BAHCC1: variants seen among roughly 807,000 people sequenced by gnomAD.
BAHCC1 encodes the protein BAH and coiled-coil domain-containing protein 1.
In BAHCC1, 43 loss-of-function variants were observed where a neutral mutation model predicts 88.2. The observed-to-expected ratio is 0.49, with a 90% CI of 0.38 to 0.63. BAHCC1 has a LOEUF of 0.63. Ranked by LOEUF, BAHCC1 falls within the 20% of genes least tolerant of loss-of-function variation. The probability of loss-of-function intolerance (pLI) is 0.00; values close to 1 mark genes in which losing one functional copy is unlikely to be tolerated. For missense variants in BAHCC1, 3,023 were observed against 1,654.8 expected (o/e 1.83, Z -14.34); for synonymous variants, 1,510 against 745.5 (o/e 2.03, Z -16.71).
intron 2 of BAHCC1, among the ~76,000 whole-genome samples, chr17:81,412,410 A>T (rs1370596244): frequency 6.6e-6 from 1 of 152,266 alleles, no homozygotes; most frequent in African/African-American, 2.4e-5. Flanking sequence ...AAGAAAATTC[A>T]AAAAGTGTAT....
chr17:81,403,021 T>A (rs1420457136), intron 2 of BAHCC1: 1 of 152,234 alleles, frequency 6.6e-6, no homozygotes, highest in Non-Finnish European at 1.5e-5. Flanking sequence ...ATACAGATGG[T>A]CCGGAGGCAA....
At chr17:81,462,583 AGCCGCGGT>A (rs1417771113) in intron 26 of BAHCC1, 149 bp from the exon 27 acceptor site, 2 of 591,380 alleles carry the variant, frequency 3.4e-6, no homozygotes, top group Non-Finnish European at 6.0e-6. Context: ...CATGGCCTTA[AGCCGCGGT>A]GCTGCGGCTT....
intron 2 of BAHCC1, among the ~76,000 whole-genome samples, chr17:81,403,812 G>A (rs1826965073): frequency 6.6e-6 from 1 of 152,216 alleles, no homozygotes; most frequent in Middle Eastern, 3.2e-3. Flanking sequence ...ACGGGAATCC[G>A]GGAATGTGGG....
At chr17:81,452,973 T>C in intron 14 of BAHCC1, 122 bp downstream of exon 14, 1 of 588,170 alleles carries the variant, frequency 1.7e-6, no homozygotes, top group Non-Finnish European at 3.0e-6. Context: ...ACACCTACTC[T>C]GAAGGCCTGG....
chr17:81,461,010 C>T lies in BAHCC1; in HGVS notation c.6347C>T (p.Pro2116Leu), dbSNP rs782487964. The T allele has an allele frequency of 1.0e-5, 8 of 773,082 alleles. No individual in the cohort carries two copies. Among genetic ancestry groups the T allele is most frequent in the East Asian group, 2.4e-5 (1 of 41,198 alleles). 47.9% of individuals were successfully genotyped at this position (773,082 alleles called of 1,614,324 possible). A position where few individuals can be genotyped will look rare whatever the true frequency, so the allele number is the denominator to read the frequency against. The change falls in exon 26 of 28, where the codon CCG (proline) becomes CTG (leucine). Residue 2116 changes from proline (P) to leucine (L), a missense_variant. Physicochemically the swap from Pro to Leu is moderately conservative, Grantham distance 98 (BLOSUM62 -3). Coordinates refer to ENST00000675386, the MANE Select transcript of BAHCC1 (RefSeq NM_001377448.1). ...GCGGTGGCAGCGGCCAGCAAGGGGCCGGGGGTGCTGCAGAACCTCTTCCAG... is the reference window on the plus strand; with the variant it reads ...GCGGTGGCAGCGGCCAGCAAGGGGCTGGGGGTGCTGCAGAACCTCTTCCAG... ...RKAVAAASKG[P>L]GVLQNLFQLN...
chr17:81,458,740 C>T lies in BAHCC1; in HGVS notation c.5448+15C>T. 1 of 739,966 alleles carries T rather than the reference C, an allele frequency of 1.4e-6. No individual in the cohort carries two copies. The highest frequency in any genetic ancestry group is 2.5e-6 in the Non-Finnish European group (1 of 398,062). 45.8% of individuals were successfully genotyped at this position (739,966 alleles called of 1,614,324 possible). Reference sequence around the variant, plus strand: ...CCGGCAAGCAGGTAGCAGCCCCCCACTCTGGGAGCCCACTGTGCACCCACC... The same window carrying T: ...CCGGCAAGCAGGTAGCAGCCCCCCATTCTGGGAGCCCACTGTGCACCCACC... On this transcript the variant is annotated intron_variant, in intron 19 of 27. Transcript: ENST00000675386.
At chr17:81,439,329 A>C (rs1598483446) in intron 4 of BAHCC1, among the ~76,000 whole-genome samples, 2 of 152,156 alleles carry the variant, frequency 1.3e-5, no homozygotes, top group East Asian at 3.9e-4. Context: ...GAAGCGATAC[A>C]GGTGTGGGGC....
At position 81,458,685 on chromosome 17, in the gene BAHCC1, G is replaced by A. The variant is rs2029957367; in HGVS notation, c.5408G>A (p.Gly1803Asp). 2 of 725,694 alleles carry A rather than the reference G, an allele frequency of 2.8e-6. No individual in the cohort carries two copies. Among genetic ancestry groups the A allele is most frequent in the South Asian group, 1.5e-5 (1 of 68,154 alleles). The allele number at this position is 725,694 out of a possible 1,614,324, so 45.0% of individuals were successfully genotyped here. ...AACGCCAAGGCCATCCTGGGGAAGG[G>A]CCGGAAGCTGAGCAAGGTGAAGCAC... ...TRNAKAILGK[G>D]RKLSKVKHKA... The change falls in exon 19 of 28, where the codon GGC becomes GAC. Residue 1803 changes from glycine (G) to aspartate (D), a missense_variant. Gly to Asp is a moderately conservative substitution (Grantham distance 94). Coordinates refer to ENST00000675386, the MANE Select transcript of BAHCC1 (RefSeq NM_001377448.1).
chr17:81,406,130 C>T (rs2063875371), intron 2 of BAHCC1, among the ~76,000 whole-genome samples: 1 of 152,188 alleles, frequency 6.6e-6, no homozygotes, highest in Non-Finnish European at 1.5e-5. Context: ...TGAGAGGTTT[C>T]CAAAAAGAAG....
At chr17:81,458,562 G>C in intron 18 of BAHCC1, 59 bp from the exon 19 acceptor site, 1 of 604,318 alleles carries the variant, frequency 1.7e-6, no homozygotes, top group Non-Finnish European at 3.1e-6. Context: ...CTGAGCTCTG[G>C]GTCAACCTGA....
chr17:81,458,257 G>T lies in BAHCC1; in HGVS notation c.5134G>T (p.Gly1712Trp). The T allele has an allele frequency of 1.3e-6, 1 of 744,858 alleles. No individual in the cohort carries two copies. The highest frequency in any genetic ancestry group is 2.5e-6 in the Non-Finnish European group (1 of 401,316). The allele number at this position is 744,858 out of a possible 1,614,324, so 46.1% of individuals were successfully genotyped here. A position where few individuals can be genotyped will look rare whatever the true frequency, so the allele number is the denominator to read the frequency against. ...GGGCACCACCCTGGAGCGGGCCCCA[G>T]GGCAGAGGCCCCCAGGTGCGCTGGG... ...KVGTTLERAP[G>W]QRPPGALGKK... is the part of the protein sequence containing the mutation. The change falls in exon 18 of 28, where the codon GGG (glycine) becomes TGG (tryptophan). Residue 1712 changes from glycine to tryptophan, a missense_variant. Physicochemically the swap from Gly to Trp is radical, Grantham distance 184. Transcript: ENST00000675386.
chr17:81,413,002 G>GT, intron 2 of BAHCC1: 2 of 301,408 alleles, frequency 6.6e-6, no homozygotes, highest in Non-Finnish European at 1.4e-5. Flanking sequence ...TGCGGGGGCA[G>GT]TGGGTGGGTG....
rs781904117 is a variant in BAHCC1, at chr17:81,442,327, C to T, written c.978C>T (p.Gly326=). Residue 326 remains glycine (G), a synonymous_variant, in exon 5 of 28, where the codon GGC becomes GGT. Coordinates refer to ENST00000675386, the MANE Select transcript of BAHCC1 (RefSeq NM_001377448.1). ...GGCGCTGTGCAAAGGAGGCAGCAGG[C>T]CCCCCGGAGCCCGGGCCGGCCTTCA... ...TSGRCAKEAA[G]PPEPGPAFSE... 2.1e-5 allele frequency: 14 copies of T among 679,946 alleles called. No homozygotes were observed. Among genetic ancestry groups the T allele is most frequent in the East Asian group, 1.6e-4 (6 of 36,740 alleles). 42.1% of individuals were successfully genotyped at this position (679,946 alleles called of 1,614,324 possible).
chr17:81,439,897 C>G (rs1371440482), intron 4 of BAHCC1, among the ~76,000 whole-genome samples: 4 of 152,180 alleles, frequency 2.6e-5, no homozygotes, highest in African/African-American at 9.7e-5. Context: ...TTGGCTGCCC[C>G]TCAGCCCCTT....
intron 17 of BAHCC1, among the ~76,000 whole-genome samples, 200 bp from the exon 18 acceptor site, chr17:81,457,965 G>A (rs1555657789): frequency 7.1e-6 from 1 of 141,792 alleles, no homozygotes; most frequent in Non-Finnish European, 1.6e-5. Flanking sequence ...GTAACCGGGG[G>A]GAGGGCAGGG....
At position 81,414,782 on chromosome 17, in the gene BAHCC1, G is replaced by A. The variant is rs562591122; in HGVS notation, c.179-12018G>A. Reference sequence around the variant, plus strand: ...GTCCCCAACCCCAAGGCCCCGGGACGGGGTGAGGCTGGGGGCGGAGGCGGC... The same window carrying A: ...GTCCCCAACCCCAAGGCCCCGGGACAGGGTGAGGCTGGGGGCGGAGGCGGC... On this transcript the variant is annotated intron_variant, in intron 2 of 27. Transcript: ENST00000675386. Among the ~76,000 whole-genome samples the A allele has an allele frequency of 3.9e-5, 6 of 152,274 alleles. No individual in the cohort carries two copies. In the East Asian group the frequency reaches 5.8e-4, roughly 15 times the overall value.
chr17:81,426,698 C>T, intron 2 of BAHCC1, 102 bp from the exon 3 acceptor site: 1 of 398,314 alleles, frequency 2.5e-6, no homozygotes, highest in Non-Finnish European at 4.4e-6. Context: ...AGATTGGGGC[C>T]TGAGAGTCCC....
chr17:81,404,751 C>T (rs9914011), intron 2 of BAHCC1, among the ~76,000 whole-genome samples: 21 of 152,038 alleles, frequency 1.4e-4, no homozygotes, highest in Non-Finnish European at 2.6e-4. Flanking sequence ...AAATAATGTG[C>T]GAGCGCTTGG....
At chr17:81,441,534 C>T (rs1238820806) in intron 4 of BAHCC1, among the ~76,000 whole-genome samples, 4 of 152,028 alleles carry the variant, frequency 2.6e-5, no homozygotes, top group African/African-American at 9.7e-5. Context: ...TGGTGGCGGG[C>T]TCCTGTAGTC....
Sources: gnomAD v4.1 joint callset for allele counts (sites outside exome capture counted in the v4.1 genomes callset) on GRCh38, gnomAD v4.1.1 for gene constraint, MANE v1.5 for transcripts, NCBI Gene and HGNC (gene_info 2026-07-23, HGNC 2026-07-21) for gene names.